The following MCF2L2 variants were observed in gnomAD, a reference collection of about 807,000 sequenced individuals.
The protein encoded by MCF2L2 is probable guanine nucleotide exchange factor MCF2L2.
A neutral mutation model predicts 150.2 loss-of-function variants in MCF2L2; 102 were observed. That is an observed-to-expected ratio of 0.68 (90% CI 0.58 to 0.80). MCF2L2 has a LOEUF of 0.80. Ranked by LOEUF, MCF2L2 falls within the 30% of genes least tolerant of loss-of-function variation. The pLI, the probability that MCF2L2 is intolerant of heterozygous loss-of-function variation, is 0.00. For synonymous variants in MCF2L2, 465 were observed against 491.3 expected, an observed-to-expected ratio of 0.95 and a Z score of 0.71; for missense variants, 1,256 against 1,372.8, an observed-to-expected ratio of 0.91 and a Z score of 1.34.
At chr3:183,373,310 G>A (rs2314349) in intron 3 of MCF2L2, 1 of 151,922 alleles carries the variant, frequency 6.6e-6, no homozygotes, top group Non-Finnish European at 1.5e-5. Flanking sequence ...CATGTGGGAA[G>A]GTTTGTAATT....
At chr3:183,190,829 C>T (rs1721859534) in intron 27 of MCF2L2, among the ~76,000 whole-genome samples, 1 of 152,226 alleles carries the variant, frequency 6.6e-6, no homozygotes, top group African/African-American at 2.4e-5. Flanking sequence ...GCTGTCAATA[C>T]TCTCTACTGT....
At chr3:183,280,005 C>A (rs1002768504) in intron 14 of MCF2L2, among the ~76,000 whole-genome samples, 1 of 150,918 alleles carries the variant, frequency 6.6e-6, no homozygotes, top group Non-Finnish European at 1.5e-5. Flanking sequence ...CCAGCCTGGG[C>A]GACAGAGCAA....
At chr3:183,323,624 A>G (rs73070009) in intron 5 of MCF2L2, among the ~76,000 whole-genome samples, 19,296 of 150,902 alleles carry the variant, frequency 0.13, 1,310 homozygotes, top group African/African-American at 0.15. Flanking sequence ...AGACCCCATC[A>G]CTAGAAAAAA....
chr3:183,234,658 C>T (rs1318852524), intron 15 of MCF2L2, among the ~76,000 whole-genome samples: 8 of 142,612 alleles, frequency 5.6e-5, no homozygotes, highest in African/African-American at 2.1e-4. Context: ...TTTCAAATAC[C>T]TTTATAAAAT....
At chr3:183,262,718 T>TG (rs574808326) in intron 15 of MCF2L2, among the ~76,000 whole-genome samples, 6 of 67,732 alleles carry the variant, frequency 8.9e-5, no homozygotes, top group East Asian at 4.1e-4. Flanking sequence ...GTCTTCAGGG[T>TG]GGGGGGGACA....
chr3:183,347,701 T>C (rs1371885429), intron 3 of MCF2L2, among the ~76,000 whole-genome samples: 1 of 151,984 alleles, frequency 6.6e-6, no homozygotes, highest in Non-Finnish European at 1.5e-5. Flanking sequence ...CTTAAACAAA[T>C]TTACCAGAAA....
At chr3:183,216,580 ATTTTTTTTTTTTTTTTTTTTTT>A (rs1160267005) in intron 21 of MCF2L2, among the ~76,000 whole-genome samples, 33 of 3,856 alleles carry the variant, frequency 8.6e-3, no homozygotes, top group Non-Finnish European at 0.018. Context: ...ATATATATAT[ATTTTTTTTTTTTTTTTTTTTTT>A]TTTTTTTTTT....
intron 3 of MCF2L2, among the ~76,000 whole-genome samples, chr3:183,363,644 G>A (rs1185925851): frequency 1.3e-5 from 2 of 152,182 alleles, no homozygotes; most frequent in East Asian, 3.8e-4. Flanking sequence ...GGAGGCTGAG[G>A]TGAGAGAATC....
At chr3:183,408,363 C>T (rs1389737151) in intron 1 of MCF2L2, among the ~76,000 whole-genome samples, 2 of 152,182 alleles carry the variant, frequency 1.3e-5, no homozygotes, top group Non-Finnish European at 1.5e-5. Flanking sequence ...GTCTACCTCC[C>T]CATTAGACCG....
chr3:183,198,550 T>A (rs2108639623), intron 25 of MCF2L2, among the ~76,000 whole-genome samples: 1 of 152,284 alleles, frequency 6.6e-6, no homozygotes, highest in Non-Finnish European at 1.5e-5. Flanking sequence ...TCAAAACTTA[T>A]CAGATTGTAC....
rs1357851985 is a variant in MCF2L2 at position 183,300,185 on chromosome 3, T to C, written c.1125A>G (p.Glu375=). ...KLEEKSQEPL[E]KAQLLALVGD... ...CAACCAGTGCCAGCAGCTGGGCCTT[T>C]TCCAGGGGCTCCTGCAAAGTGAACA... Residue 375 remains glutamate (E), a synonymous_variant, in exon 11 of 30, where the codon GAA becomes GAG. Coordinates refer to ENST00000328913, the MANE Select transcript of MCF2L2 (RefSeq NM_015078.4). The C allele has an allele frequency of 6.2e-7, 1 of 1,600,558 alleles. No individual in the cohort carries two copies. Among genetic ancestry groups the C allele is most frequent in the Non-Finnish European group, 8.5e-7 (1 of 1,176,506 alleles).
At chr3:183,419,504 T>C (rs987497803) in intron 1 of MCF2L2, among the ~76,000 whole-genome samples, 9 of 152,240 alleles carry the variant, frequency 5.9e-5, no homozygotes, top group African/African-American at 2.2e-4. Context: ...CTGCTTCCCT[T>C]TTAAACATAA....
rs1726271126 is a variant in MCF2L2, at chr3:183,267,521, G to A, written c.1862+9351C>T. Among the ~76,000 whole-genome samples the A allele has an allele frequency of 6.6e-6, 1 of 152,212 alleles. No individual in the cohort carries two copies. Among genetic ancestry groups the A allele is most frequent in the East Asian group, 1.9e-4 (1 of 5,186 alleles). ...TGTGTACAGTTGGTTTTCTATCAGG[G>A]GTCAACCGGCGGGGGGACTTGAGAA... On this transcript the variant is annotated intron_variant, in intron 15 of 29. Transcript: ENST00000328913. The surrounding 1 kb of genome is among the most constrained non-coding windows in gnomAD (Gnocchi z 5.5).
intron 15 of MCF2L2, among the ~76,000 whole-genome samples, chr3:183,262,040 GAT>G (rs1725641338): frequency 7.2e-6 from 1 of 138,450 alleles, no homozygotes; most frequent in African/African-American, 2.7e-5. Flanking sequence ...AAGTTTAAAA[GAT>G]ATAAAGGAAT....
intron 1 of MCF2L2, among the ~76,000 whole-genome samples, chr3:183,395,183 A>C (rs1314599457): frequency 6.6e-6 from 1 of 152,242 alleles, no homozygotes; most frequent in African/African-American, 2.4e-5. Context: ...ACATAATAAA[A>C]ACTTTATATG....
intron 2 of MCF2L2, among the ~76,000 whole-genome samples, chr3:183,387,657 G>A (rs1048392319): frequency 2.0e-5 from 3 of 152,150 alleles, no homozygotes; most frequent in African/African-American, 7.2e-5. Flanking sequence ...TACTGGCTGG[G>A]TGTGGTGGCT....
At chr3:183,395,934 AAAAAGAAAGAAAG>A (rs1271845744) in intron 1 of MCF2L2, among the ~76,000 whole-genome samples, 2 of 115,946 alleles carry the variant, frequency 1.7e-5, no homozygotes, top group African/African-American at 5.5e-5. Flanking sequence ...AAAAAAAAAA[AAAAAGAAAGAAAG>A]AAAGAAAGAA....
At chr3:183,287,332 G>A (rs778354763) in intron 14 of MCF2L2, 2 of 152,114 alleles carry the variant, frequency 1.3e-5, no homozygotes, top group South Asian at 2.1e-4. Context: ...AAAGTAGGTC[G>A]TAGAGATAGG....
At chr3:183,353,561 G>A (rs780928606) in intron 3 of MCF2L2, among the ~76,000 whole-genome samples, 6 of 152,192 alleles carry the variant, frequency 3.9e-5, no homozygotes, top group African/African-American at 7.2e-5. Flanking sequence ...AAGGCAAAGC[G>A]GGGCAGGCAC....
Sources: allele counts gnomAD v4.1 joint callset (sites outside exome capture counted in the v4.1 genomes callset), GRCh38; gene constraint gnomAD v4.1.1; non-coding constraint Gnocchi (gnomAD v3.1); transcripts MANE v1.5; gene names NCBI Gene and HGNC (gene_info 2026-07-23, HGNC 2026-07-21).